Variants in PDE6G observed in about 807,000 individuals in gnomAD.
The protein encoded by PDE6G is phosphodiesterase 6G.
Under a neutral mutation model 10.9 loss-of-function variants are expected in PDE6G, and 10 were observed. The observed-to-expected ratio is 0.91, with a 90% CI of 0.56 to 1.55. The LOEUF is 1.55. Ranked by LOEUF, PDE6G falls within the 40% of genes most tolerant of loss-of-function variation. The pLI is 0.00. For synonymous variants in PDE6G, 41 were observed against 42.8 expected, an observed-to-expected ratio of 0.96 and a Z score of 0.16; for missense variants, 102 against 110.1, an observed-to-expected ratio of 0.93 and a Z score of 0.33.
Position 81,653,126 on chromosome 17 carries a change from C to A in PDE6G, c.146+34G>T, listed in dbSNP as rs1381353413. ...TGTGCAGCCTCAGGACCGCCTCCTC[C>A]CTTTCAGAGGCCCCATCCCCCAGCT... On this transcript the variant is annotated intron_variant, in intron 2 of 3. Coordinates refer to ENST00000331056, the MANE Select transcript of PDE6G (RefSeq NM_002602.4). The surrounding 1 kb of genome is among the most constrained non-coding windows in gnomAD (Gnocchi z 5.2). 2 of 1,613,368 alleles carry A rather than the reference C, an allele frequency of 1.2e-6. No homozygotes were observed. Among genetic ancestry groups the A allele is most frequent in the Non-Finnish European group, 1.7e-6 (2 of 1,179,406 alleles).
In PDE6G at chr17:81,651,015, C is replaced by T. The variant is rs1293297521; in HGVS notation, c.*59G>A. On this transcript the variant is annotated 3_prime_UTR_variant, in exon 4 of 4. Coordinates refer to ENST00000331056, the MANE Select transcript of PDE6G (RefSeq NM_002602.4). The surrounding 1 kb of genome is among the most constrained non-coding windows in gnomAD (Gnocchi z 4.8). ...GCATCTCCTCAACAGGAATCCTGAG[C>T]AGGGTTTAGAGCACAGTGGGCAGGA... The T allele has an allele frequency of 1.6e-6, 2 of 1,273,886 alleles. No homozygotes were observed. Among genetic ancestry groups the T allele is most frequent in the Non-Finnish European group, 2.3e-6 (2 of 870,098 alleles). 78.9% of individuals were successfully genotyped at this position (1,273,886 alleles called of 1,614,324 possible).
upstream of PDE6G, among the ~76,000 whole-genome samples, chr17:81,660,850 G>A (rs2036504229): frequency 2.0e-5 from 3 of 152,192 alleles, no homozygotes; most frequent in African/African-American, 7.2e-5. Flanking sequence ...AGGCTAAGCA[G>A]ATTCTGTGTG....
At chr17:81,661,563 G>T (rs2036510691) in intron 1 of PDE6G, among the ~76,000 whole-genome samples, 2 of 151,718 alleles carry the variant, frequency 1.3e-5, no homozygotes, top group African/African-American at 4.8e-5. Flanking sequence ...CTAAAAATAC[G>T]AAAATTAGCC....
chr17:81,661,961 G>A (rs1276682798), intron 1 of PDE6G, among the ~76,000 whole-genome samples: 1 of 151,762 alleles, frequency 6.6e-6, no homozygotes, highest in African/African-American at 2.4e-5. Flanking sequence ...ATCCCGGGAG[G>A]CAGAGGTTGC....
intron 1 of PDE6G, among the ~76,000 whole-genome samples, chr17:81,656,074 C>T (rs191897389): frequency 6.6e-6 from 1 of 152,188 alleles, no homozygotes; most frequent in African/African-American, 2.4e-5. Context: ...GCACAGGCCC[C>T]GTCCAGCTGC....
chr17:81,654,782 C>G (rs762468647), intron 1 of PDE6G, among the ~76,000 whole-genome samples: 134 of 149,680 alleles, frequency 9.0e-4, no homozygotes, highest in Non-Finnish European at 9.3e-4. Context: ...GAGTCTCGCT[C>G]TGTTGCCCAG....
upstream of PDE6G, chr17:81,656,562 G>A (rs748180449): frequency 2.2e-5 from 17 of 760,840 alleles, no homozygotes; most frequent in Admixed American, 1.5e-4. Flanking sequence ...TGCCAGCCCC[G>A]GCCTTTATCT....
upstream of PDE6G, among the ~76,000 whole-genome samples, chr17:81,658,141 G>A (rs2036472580): frequency 6.6e-6 from 1 of 151,880 alleles, no homozygotes; most frequent in Non-Finnish European, 1.5e-5. Context: ...CTGGAGTGCA[G>A]TGGCCTGATC....
Position 81,651,128 on chromosome 17 carries a change from C to A in PDE6G, c.210G>T (p.Trp70Cys). ...LGTDITVICP[W>C]EAFNHLELHE... Reference sequence around the variant, plus strand: ...GCAGCTCCAGGTGGTTGAAGGCCTCCCAAGGGCAGATGACTGTGATGTCTG... The same window carrying A: ...GCAGCTCCAGGTGGTTGAAGGCCTCACAAGGGCAGATGACTGTGATGTCTG... The change falls in exon 4 of 4, where the codon TGG becomes TGT. Residue 70 changes from tryptophan to cysteine, a missense_variant. By Grantham distance (215) the Trp-to-Cys change is radical (BLOSUM62 -2). Coordinates refer to ENST00000331056, the MANE Select transcript of PDE6G (RefSeq NM_002602.4). This position sits in a 1 kb window ranked among gnomAD's most constrained non-coding sequence, Gnocchi z 4.8. The A allele has an allele frequency of 6.2e-7, 1 of 1,613,826 alleles. No individual in the cohort carries two copies. Among genetic ancestry groups the A allele is most frequent in the African/African-American group, 1.3e-5 (1 of 74,996 alleles).
rs1425955432 is a variant in PDE6G at position 81,650,635 on chromosome 17, C to T, written c.*439G>A. On this transcript the variant is annotated 3_prime_UTR_variant, in exon 4 of 4. Coordinates refer to ENST00000331056, the MANE Select transcript of PDE6G (RefSeq NM_002602.4). ...ACCCCCCTGGGAAGGGATGCAGAGA[C>T]GGGGAGCTTCTCTGTATCCCCTTAC... 8 of 454,718 alleles carry T rather than the reference C, an allele frequency of 1.8e-5. No individual in the cohort carries two copies. The highest frequency in any genetic ancestry group is 6.2e-5 in the South Asian group (4 of 64,488). The allele number at this position is 454,718 out of a possible 1,614,324, so 28.2% of individuals were successfully genotyped here.
intron 1 of PDE6G, among the ~76,000 whole-genome samples, chr17:81,655,857 G>C (rs2036439129): frequency 6.6e-6 from 1 of 152,142 alleles, no homozygotes; most frequent in African/African-American, 2.4e-5. Context: ...AGCAAGGGCA[G>C]GTGGCCCATT....
rs377675287 is a variant in PDE6G at position 81,661,840 on chromosome 17, C to G, written c.-60+1219G>C. ...TGCGCCACTGCACTCCAGCCTGCGA[C>G]AGAGTGAGACTCTGTCTCAAAAAAA... On this transcript the variant is annotated intron_variant, in intron 1 of 3. Coordinates refer to the PDE6G transcript ENST00000571224. Among the ~76,000 whole-genome samples the G allele has an allele frequency of 1.6e-4, 19 of 118,710 alleles. No homozygotes were observed. The Admixed American group carries it at 2.2e-3, about 13-fold the overall frequency. The allele number at this position is 118,710 out of a possible 152,430, so 77.9% of individuals were successfully genotyped here.
chr17:81,652,050 T>C (rs2036365794), intron 2 of PDE6G, among the ~76,000 whole-genome samples: 1 of 152,098 alleles, frequency 6.6e-6, no homozygotes, highest in Admixed American at 6.6e-5. Flanking sequence ...CGTGCATATG[T>C]GGAGGTGTGA....
In PDE6G at chr17:81,650,766, G is replaced by T. The variant is rs1272801625; in HGVS notation, c.*308C>A. On this transcript the variant is annotated 3_prime_UTR_variant, in exon 4 of 4. Coordinates refer to ENST00000331056, the MANE Select transcript of PDE6G (RefSeq NM_002602.4). ...GGGGTCCAGCAGGCTCCCGGGCTGGGGTCCACTTCCCGTTCTCCCTGGGAG... is the reference window on the plus strand; with the variant it reads ...GGGGTCCAGCAGGCTCCCGGGCTGGTGTCCACTTCCCGTTCTCCCTGGGAG... 1 of 496,820 alleles carries T rather than the reference G, an allele frequency of 2.0e-6. No individual in the cohort carries two copies. The highest frequency in any genetic ancestry group is 1.9e-5 in the African/African-American group (1 of 51,646). 30.8% of individuals were successfully genotyped at this position (496,820 alleles called of 1,614,324 possible). A position where few individuals can be genotyped will look rare whatever the true frequency, so the allele number is the denominator to read the frequency against.
chr17:81,663,000 G>C (rs905715216), intron 1 of PDE6G: 1 of 152,176 alleles, frequency 6.6e-6, no homozygotes, highest in African/African-American at 2.4e-5. Context: ...TATGGACCTG[G>C]GTCTTTGGGC....
At chr17:81,654,863 T>C (rs562860812) in intron 1 of PDE6G, among the ~76,000 whole-genome samples, 1 of 151,814 alleles carries the variant, frequency 6.6e-6, no homozygotes, top group South Asian at 2.1e-4. Flanking sequence ...TTCTCCTGCC[T>C]CAGCCTCCCC....
intron 1 of PDE6G, among the ~76,000 whole-genome samples, chr17:81,655,374 G>C (rs1458484416): frequency 6.6e-6 from 1 of 152,262 alleles, no homozygotes; most frequent in Non-Finnish European, 1.5e-5. Flanking sequence ...TGTTCCCCCT[G>C]CTGGGGGAAT....
At position 81,653,300 on chromosome 17, in the gene PDE6G, G is replaced by T. The variant is rs766951952; in HGVS notation, c.6C>A (p.Asn2Lys). M[N>K]LEPPKAEFRS... ...GGAACTCAGCCTTGGGCGGTTCCAG[G>T]TTCATGGTGAGGCTGACGGAGACAC... Residue 2 changes from asparagine (N) to lysine (K), a missense_variant, in exon 2 of 4, where the codon AAC becomes AAA. Coordinates refer to ENST00000331056, the MANE Select transcript of PDE6G (RefSeq NM_002602.4). This position sits in a 1 kb window ranked among gnomAD's most constrained non-coding sequence, Gnocchi z 5.2. The T allele has an allele frequency of 1.1e-5, 18 of 1,612,914 alleles. No individual in the cohort carries two copies. The East Asian group carries it at 2.7e-4, about 24-fold the overall frequency.
In PDE6G at chr17:81,653,406, T is replaced by A; in HGVS notation, c.-59-42A>T. 7.1e-7 allele frequency: 1 copy of A among 1,408,618 alleles called. No individual in the cohort carries two copies. The allele number at this position is 1,408,618 out of a possible 1,614,324, so 87.3% of individuals were successfully genotyped here. A position where few individuals can be genotyped will look rare whatever the true frequency, so the allele number is the denominator to read the frequency against. On this transcript the variant is annotated intron_variant, in intron 1 of 3. Transcript: ENST00000331056. The surrounding 1 kb of genome is among the most constrained non-coding windows in gnomAD (Gnocchi z 5.2). ...CCCGGGTCCCAGTCAGCCCTCCTGCTTCCAACCCTTGTGGGGGTCTCAACC... is the reference window on the plus strand; with the variant it reads ...CCCGGGTCCCAGTCAGCCCTCCTGCATCCAACCCTTGTGGGGGTCTCAACC...
Sources: allele counts gnomAD v4.1 joint callset (sites outside exome capture counted in the v4.1 genomes callset), GRCh38; gene constraint gnomAD v4.1.1; non-coding constraint Gnocchi (gnomAD v3.1); transcripts MANE v1.5; gene names NCBI Gene and HGNC (gene_info 2026-07-23, HGNC 2026-07-21).